RP2: variants seen among roughly 807,000 people sequenced by gnomAD.
RP2 encodes RP2 activator of ARL3 GTPase.
A neutral mutation model predicts 20.3 loss-of-function variants in RP2; 3 were observed. The ratio of observed to expected loss-of-function variants is 0.15; its 90% CI spans 0.07 to 0.38. RP2 has a LOEUF of 0.38. Among genes scored for constraint, RP2 ranks in the 10% least tolerant of loss-of-function variants. The pLI is 1.00. For missense variants in RP2, 233 were observed against 268.5 expected (o/e 0.87, Z 0.92); for synonymous variants, 75 against 94.8 (o/e 0.79, Z 1.22).
Position 46,860,806 on chromosome X carries a change from C to T in RP2, c.883+704C>T, listed in dbSNP as rs369879694. Among the ~76,000 whole-genome samples, 525 of 111,932 alleles carry T rather than the reference C, an allele frequency of 4.7e-3. 2 individuals are homozygous for T. The highest frequency in any genetic ancestry group is 0.016 in the African/African-American group (503 of 30,854). On this transcript the variant is annotated intron_variant, in intron 3 of 4. Transcript: ENST00000218340. ...GCCTGAGCAAATATGTATAGTAATACGCAGTGTTGATTGGGTATTCCCTAG... is the reference window on the plus strand; with the variant it reads ...GCCTGAGCAAATATGTATAGTAATATGCAGTGTTGATTGGGTATTCCCTAG...
In RP2 at chrX:46,853,521, G is replaced by C; in HGVS notation, c.148G>C (p.Val50Leu). The change falls in exon 2 of 5, where the codon GTA (valine) becomes CTA (leucine). Residue 50 changes from valine (V) to leucine (L), a missense_variant. This residue lies in a region of RP2 where 77 missense variants were observed against 71.8 expected (regional missense o/e 1.07). Transcript: ENST00000218340. ...GTTCAGTGGACTGAAGGATGAAACA[G>C]TAGGTCGCTTACCTGGGACGGTAGC... ...YMFSGLKDETVGRLPGTVAGQ... is the reference protein window; with the variant it reads ...YMFSGLKDETLGRLPGTVAGQ... The C allele has an allele frequency of 8.3e-7, 1 of 1,210,970 alleles. No homozygotes were observed. The highest frequency in any genetic ancestry group is 1.1e-6 in the Non-Finnish European group (1 of 894,955).
rs35890795 is a variant in RP2, at chrX:46,847,720, ATGTG to A, written c.103-5748_103-5745del. Among the ~76,000 whole-genome samples the A allele has an allele frequency of 5.8e-5, 5 of 86,174 alleles. 1 individual carries two copies. In the South Asian group the frequency reaches 2.6e-3, roughly 45 times the overall value. 74.8% of individuals were successfully genotyped at this position (86,174 alleles called of 115,157 possible). A position where few individuals can be genotyped will look rare whatever the true frequency, so the allele number is the denominator to read the frequency against. ...TGTGTGTGTATATATACACACATAT[ATGTG>A]TGTGTGTATATACACACATATGTGT... On this transcript the variant is annotated intron_variant, in intron 1 of 4. Coordinates refer to ENST00000218340, the MANE Select transcript of RP2 (RefSeq NM_006915.3).
At chrX:46,856,637 T>G (rs1352034199) in intron 2 of RP2, among the ~76,000 whole-genome samples, 1 of 111,700 alleles carries the variant, frequency 9.0e-6, no homozygotes, top group Non-Finnish European at 1.9e-5. Context: ...AGTCTGGCTG[T>G]GTAGGCCACA....
intron 2 of RP2, among the ~76,000 whole-genome samples, chrX:46,858,730 C>G (rs1277235528): frequency 7.2e-5 from 8 of 111,330 alleles, no homozygotes; most frequent in African/African-American, 2.6e-4. Context: ...ACCTTGGCCT[C>G]TCAGAGTGCT....
chrX:46,837,184 C>A lies in RP2; in HGVS notation c.84C>A (p.Ser28Arg). ...AGGAGGAGCGGCCAAAGCAGTACAG[C>A]TGGGATCAGCGCGAGAAGGTAATGA... The part of the protein sequence containing the change: ...ENEEERPKQY[S>R]WDQREKVDPK... Residue 28 changes from serine to arginine, a missense_variant, in exon 1 of 5, where the codon AGC becomes AGA. Physicochemically the swap from Ser to Arg is moderately radical, Grantham distance 110 (BLOSUM62 -1). Around this residue, in one of 3 missense-constraint regions of RP2, gnomAD observed 77 missense variants for 71.8 expected, o/e 1.07. Coordinates refer to ENST00000218340, the MANE Select transcript of RP2 (RefSeq NM_006915.3). 1 of 1,169,357 alleles carries A rather than the reference C, an allele frequency of 8.6e-7. No individual in the cohort carries two copies. The highest frequency in any genetic ancestry group is 1.1e-6 in the Non-Finnish European group (1 of 873,854).
chrX:46,851,951 C>T (rs1924868655), intron 1 of RP2, among the ~76,000 whole-genome samples: 1 of 111,537 alleles, frequency 9.0e-6, no homozygotes, highest in South Asian at 3.7e-4. Context: ...CCTGTAGTCC[C>T]AGCAACTCGG....
rs1925485195 is a variant in RP2 at position 46,882,282 on chromosome X, T to G, written c.*2513T>G. 1.8e-5 allele frequency: 2 copies of G among 112,441 alleles called. No homozygotes were observed. Among genetic ancestry groups the G allele is most frequent in the Non-Finnish European group, 3.8e-5 (2 of 53,313 alleles). The allele number at this position is 112,441 out of a possible 1,213,427, so 9.3% of individuals were successfully genotyped here. A position where few individuals can be genotyped will look rare whatever the true frequency, so the allele number is the denominator to read the frequency against. ...GCTGTTTTTGTTTTGCTTCTTTATA[T>G]TTATGTCTAGCTTTTATATGTAATT... On this transcript the variant is annotated 3_prime_UTR_variant, in exon 5 of 5. Transcript: ENST00000218340.
intron 3 of RP2, among the ~76,000 whole-genome samples, chrX:46,872,740 T>G (rs782036103): frequency 2.6e-3 from 286 of 111,643 alleles, no homozygotes; most frequent in African/African-American, 7.6e-3. Context: ...GTTTGTTTGT[T>G]TGTGTGTTTG....
chrX:46,847,746 G>GTGTGTGTGTATATACACACATA (rs1569531373), intron 1 of RP2, among the ~76,000 whole-genome samples: 44 of 79,225 alleles, frequency 5.6e-4, no homozygotes, highest in African/African-American at 2.5e-3. Context: ...ACACACATAT[G>GTGTGTGTGTATATACACACATA]TGTGTGTGTA....
At chrX:46,878,218 CAAA>C (rs782087351) in intron 4 of RP2, among the ~76,000 whole-genome samples, 2 of 107,895 alleles carry the variant, frequency 1.9e-5, no homozygotes, top group East Asian at 2.9e-4. Context: ...ACTAAAAATA[CAAA>C]AAAAAATTAG....
intron 1 of RP2, among the ~76,000 whole-genome samples, chrX:46,850,420 G>A (rs1924838761): frequency 8.9e-6 from 1 of 112,041 alleles, no homozygotes; most frequent in African/African-American, 3.2e-5. Flanking sequence ...TCTCATCAGA[G>A]TAATTATCCT....
At chrX:46,866,163 C>T (rs1205076544) in intron 3 of RP2, among the ~76,000 whole-genome samples, 1 of 111,030 alleles carries the variant, frequency 9.0e-6, no homozygotes, top group Non-Finnish European at 1.9e-5. Flanking sequence ...CTGTATTTTT[C>T]CTTGCTCCAG....
intron 1 of RP2, among the ~76,000 whole-genome samples, chrX:46,847,756 ATATACACACATG>A (rs1569531381): frequency 2.3e-5 from 2 of 86,111 alleles, no homozygotes; most frequent in Non-Finnish European, 2.2e-5. Context: ...GTGTGTGTGT[ATATACACACATG>A]TGTGTGTGTA....
At chrX:46,860,452 A>T (rs782089397) in intron 3 of RP2, among the ~76,000 whole-genome samples, 4 of 112,115 alleles carry the variant, frequency 3.6e-5, no homozygotes, top group Non-Finnish European at 7.5e-5. Flanking sequence ...GCACTTGATG[A>T]AGATTCTTTC....
chrX:46,879,676 T>C lies in RP2; in HGVS notation c.970-10T>C. ...ACTGATTTTTTTTTTTAATTTTCTA[T>C]TTAAAATAGATGTTTGTATCTGAAA... On this transcript the variant is annotated splice_polypyrimidine_tract_variant and intron_variant, in intron 4 of 4. Transcript: ENST00000218340. The C allele has an allele frequency of 1.7e-6, 2 of 1,157,380 alleles. No homozygotes were observed. The highest frequency in any genetic ancestry group is 2.4e-6 in the Non-Finnish European group (2 of 848,486).
In RP2 at chrX:46,853,633, C is replaced by T. The variant is rs147783915; in HGVS notation, c.260C>T (p.Thr87Ile). 8.4e-4 allele frequency: 1,011 copies of T among 1,209,817 alleles called. 4 individuals carry two copies. The African/African-American group carries it at 0.015, about 19-fold the overall frequency. The change falls in exon 2 of 5, where the codon ACT (threonine) becomes ATT (isoleucine). Residue 87 changes from threonine (T) to isoleucine (I), a missense_variant. Transcript: ENST00000218340. ...HSATVTIDDC[T>I]NCIIFLGPVK... ...GCTACAGTTACCATTGATGACTGTA[C>T]TAACTGCATAATTTTTCTGGGACCC...
At chrX:46,845,270 ATT>A in intron 1 of RP2, among the ~76,000 whole-genome samples, 1 of 111,767 alleles carries the variant, frequency 8.9e-6, no homozygotes, top group Non-Finnish European at 1.9e-5. Flanking sequence ...TGTCCTGTTC[ATT>A]TTCTTATTAT....
At chrX:46,845,931 T>C (rs1291403563) in intron 1 of RP2, among the ~76,000 whole-genome samples, 2 of 110,175 alleles carry the variant, frequency 1.8e-5, no homozygotes, top group Admixed American at 9.8e-5. Context: ...CTCAGCTAAT[T>C]TTTTGTATCT....
At position 46,862,577 on chromosome X, in the gene RP2, G is replaced by A. The variant is rs782551025; in HGVS notation, c.883+2475G>A. Among the ~76,000 whole-genome samples, 122 of 109,106 alleles carry A rather than the reference G, an allele frequency of 1.1e-3. 1 individual carries two copies. The highest frequency in any genetic ancestry group is 3.8e-3 in the African/African-American group (113 of 29,961). 94.7% of individuals were successfully genotyped at this position (109,106 alleles called of 115,157 possible). On this transcript the variant is annotated intron_variant, in intron 3 of 4. Transcript: ENST00000218340. ...CAGGAGGCTGAGGCAGGAGAATGGC[G>A]TGAACCCGGGAGGTGGAGCTTGCAG...
Sources: gnomAD v4.1 joint callset for allele counts (sites outside exome capture counted in the v4.1 genomes callset) on GRCh38, gnomAD v4.1.1 for gene constraint, gnomAD v4.1.1 regional missense constraint, MANE v1.5 for transcripts, NCBI Gene and HGNC (gene_info 2026-07-23, HGNC 2026-07-21) for gene names.